AGMO: variants seen among roughly 807,000 people sequenced by gnomAD.
The protein encoded by AGMO is alkylglycerol monooxygenase.
In AGMO, 75 loss-of-function variants were observed where a neutral mutation model predicts 60.2. The ratio of observed to expected loss-of-function variants is 1.25; its 90% CI spans 1.03 to 1.51. AGMO has a LOEUF of 1.51. AGMO is among the 40% of genes most tolerant of loss of function. The probability of loss-of-function intolerance (pLI) is 0.00; values close to 1 mark genes in which losing one functional copy is unlikely to be tolerated. For missense variants in AGMO, 763 were observed against 525.5 expected (o/e 1.45, Z -4.42); for synonymous variants, 261 against 177.1 (o/e 1.47, Z -3.76).
chr7:15,505,739 TTC>T (rs1333319534), intron 3 of AGMO, among the ~76,000 whole-genome samples: 1 of 152,012 alleles, frequency 6.6e-6, no homozygotes, highest in African/African-American at 2.4e-5. Flanking sequence ...TTTGGATAAT[TTC>T]TGTTTCTTCA....
At chr7:15,526,798 A>G (rs777172086) in intron 3 of AGMO, among the ~76,000 whole-genome samples, 5 of 152,122 alleles carry the variant, frequency 3.3e-5, no homozygotes, top group Admixed American at 2.6e-4. Context: ...TATCACCACC[A>G]TTTTTCCAAC....
chr7:15,397,284 G>T (rs1472254213), intron 5 of AGMO, among the ~76,000 whole-genome samples: 1 of 151,826 alleles, frequency 6.6e-6, no homozygotes, highest in Non-Finnish European at 1.5e-5. Flanking sequence ...GCAGGCGCCG[G>T]CTGGCCGCGC....
intron 3 of AGMO, among the ~76,000 whole-genome samples, chr7:15,525,733 G>A (rs527910434): frequency 6.6e-6 from 1 of 152,118 alleles, no homozygotes; most frequent in Non-Finnish European, 1.5e-5. Context: ...ATGAGAAGCA[G>A]AGGCGTAGCT....
intron 12 of AGMO, among the ~76,000 whole-genome samples, chr7:15,275,428 AATTG>A (rs1783753579): frequency 1.3e-5 from 2 of 152,154 alleles, no homozygotes; most frequent in South Asian, 2.1e-4. Context: ...CAGTTTTTTT[AATTG>A]ATTGAGATTT....
At chr7:15,281,135 T>C (rs1471199224) in intron 12 of AGMO, among the ~76,000 whole-genome samples, 3 of 152,016 alleles carry the variant, frequency 2.0e-5, no homozygotes, top group Non-Finnish European at 4.4e-5. Flanking sequence ...ATGGCAGGAC[T>C]TGAGTCCCAG....
chr7:15,482,988 T>A (rs1304604225), intron 3 of AGMO, among the ~76,000 whole-genome samples: 1 of 152,300 alleles, frequency 6.6e-6, no homozygotes, highest in African/African-American at 2.4e-5. Flanking sequence ...CTCTATTTTA[T>A]AAGTATCTAT....
At chr7:15,354,760 A>G (rs1426400222) in intron 12 of AGMO, among the ~76,000 whole-genome samples, 1 of 151,212 alleles carries the variant, frequency 6.6e-6, no homozygotes, top group African/African-American at 2.4e-5. Flanking sequence ...AATATCAAAG[A>G]GGATCTGCTA....
At chr7:15,387,781 T>A (rs1783978502) in intron 8 of AGMO, among the ~76,000 whole-genome samples, 1 of 152,130 alleles carries the variant, frequency 6.6e-6, no homozygotes, top group Non-Finnish European at 1.5e-5. Context: ...TTTTGAAATG[T>A]AAAAACAGGG....
the AGMO span, among the ~76,000 whole-genome samples, chr7:15,176,775 C>T: frequency 0.36 from 53,994 of 151,708 alleles, 10,594 homozygotes; most frequent in Middle Eastern, 0.46. Flanking sequence ...ATCCCCAGAG[C>T]TTATTTGTCT....
intron 12 of AGMO, among the ~76,000 whole-genome samples, chr7:15,286,632 A>G (rs1784108721): frequency 6.6e-6 from 1 of 152,164 alleles, no homozygotes; most frequent in Admixed American, 6.5e-5. Flanking sequence ...GTGGGAATGT[A>G]AATTAGTAAA....
At chr7:15,318,826 T>C (rs918743973) in intron 12 of AGMO, among the ~76,000 whole-genome samples, 1 of 152,310 alleles carries the variant, frequency 6.6e-6, no homozygotes, top group South Asian at 2.1e-4. Flanking sequence ...CTAAGCAGCA[T>C]TTTTGAAAAC....
intron 12 of AGMO, among the ~76,000 whole-genome samples, chr7:15,286,641 A>C: frequency 6.6e-6 from 1 of 152,062 alleles, no homozygotes; most frequent in Non-Finnish European, 1.5e-5. Flanking sequence ...TAAATTAGTA[A>C]AACATCTAAG....
chr7:15,211,786 G>T (rs1384467206), intron 12 of AGMO, among the ~76,000 whole-genome samples: 1 of 151,794 alleles, frequency 6.6e-6, no homozygotes, highest in African/African-American at 2.4e-5. Context: ...TTTTCAGGGG[G>T]ATCTTGAGCA....
At chr7:15,537,586 G>C (rs565211433) in intron 3 of AGMO, among the ~76,000 whole-genome samples, 1 of 151,912 alleles carries the variant, frequency 6.6e-6, no homozygotes, top group Admixed American at 6.6e-5. Context: ...ATTATTCCTG[G>C]AAATATTTCT....
the AGMO span, among the ~76,000 whole-genome samples, chr7:15,160,609 T>C: frequency 6.6e-6 from 1 of 152,062 alleles, no homozygotes; most frequent in Middle Eastern, 3.2e-3. Context: ...TATCTGAAAA[T>C]TAATAAACTA....
At chr7:15,454,376 CACAAACACACAA>C (rs1265977005) in intron 3 of AGMO, among the ~76,000 whole-genome samples, 2 of 57,878 alleles carry the variant, frequency 3.5e-5, no homozygotes, top group Admixed American at 1.2e-4. Context: ...CACACACACA[CACAAACACACAA>C]ACACAAACAC....
At chr7:15,486,935 C>A (rs1454095172) in intron 3 of AGMO, among the ~76,000 whole-genome samples, 1 of 152,198 alleles carries the variant, frequency 6.6e-6, no homozygotes, top group Non-Finnish European at 1.5e-5. Flanking sequence ...TAATGTCTTT[C>A]TTTGGCTGTC....
chr7:15,535,015 A>G (rs1188188474), intron 3 of AGMO, among the ~76,000 whole-genome samples: 3 of 151,958 alleles, frequency 2.0e-5, no homozygotes, highest in Non-Finnish European at 4.4e-5. Context: ...TTACTCATTT[A>G]AACTTCTCAA....
At chr7:15,202,332 C>A (rs1033399503) in intron 12 of AGMO, among the ~76,000 whole-genome samples, 2 of 151,600 alleles carry the variant, frequency 1.3e-5, no homozygotes, top group Admixed American at 6.6e-5. Context: ...TGGGGAACTC[C>A]GGTGAAGTCA....
Sources: gnomAD v4.1 joint callset for allele counts (sites outside exome capture counted in the v4.1 genomes callset) on GRCh38, gnomAD v4.1.1 for gene constraint, MANE v1.5 for transcripts, NCBI Gene and HGNC (gene_info 2026-07-23, HGNC 2026-07-21) for gene names.